Variants in GRIP1 observed in about 807,000 individuals in gnomAD.
GRIP1 encodes glutamate receptor interacting protein 1, also known as glutamate receptor-interacting protein 1.
In GRIP1, 45 loss-of-function variants were observed where a neutral mutation model predicts 129.9. The ratio of observed to expected loss-of-function variants is 0.35; its 90% CI spans 0.27 to 0.44. The LOEUF (loss-of-function observed/expected upper bound fraction) is 0.44, where lower values mean the gene tolerates loss of function less well. GRIP1 is among the 20% of genes least tolerant of loss of function. The probability of loss-of-function intolerance (pLI) is 1.00; values close to 1 mark genes in which losing one functional copy is unlikely to be tolerated. For synonymous variants in GRIP1, 530 were observed against 520.8 expected, an observed-to-expected ratio of 1.02 and a Z score of -0.24; for missense variants, 1,196 against 1,396.8, an observed-to-expected ratio of 0.86 and a Z score of 2.29.
intron 1 of GRIP1, among the ~76,000 whole-genome samples, chr12:67,048,387 G>A (rs1007393056): frequency 3.3e-5 from 5 of 152,064 alleles, no homozygotes; most frequent in African/African-American, 7.2e-5. Context: ...TTTAGTACAC[G>A]TTTGCAAATT....
intron 1 of GRIP1, among the ~76,000 whole-genome samples, chr12:66,626,346 A>AC (rs1041790073): frequency 2.0e-5 from 3 of 151,938 alleles, no homozygotes; most frequent in African/African-American, 4.8e-5. Flanking sequence ...TCTCCAAAAA[A>AC]AAAAAAGTAT....
intron 1 of GRIP1, among the ~76,000 whole-genome samples, chr12:66,834,752 ATCCATAAAAGAAAGAATTGCCTATAG>A (rs1373429507): frequency 6.6e-6 from 1 of 152,110 alleles, no homozygotes; most frequent in African/African-American, 2.4e-5. Context: ...CAAAGGCATG[ATCCATAAAAGAAAGAATTGCCTATAG>A]TCCATAAAAG....
chr12:66,914,145 T>C (rs2041079440), intron 1 of GRIP1, among the ~76,000 whole-genome samples: 1 of 152,162 alleles, frequency 6.6e-6, no homozygotes, highest in Non-Finnish European at 1.5e-5. Context: ...TAACCACTTT[T>C]CTCACGTGCA....
chr12:66,622,237 C>A (rs1446561107), intron 1 of GRIP1, among the ~76,000 whole-genome samples: 2 of 151,990 alleles, frequency 1.3e-5, no homozygotes, highest in African/African-American at 2.4e-5. Context: ...TGCTACAAGT[C>A]ACTTTTGCCC....
At chr12:66,383,805 T>C (rs1262617504) in intron 19 of GRIP1, among the ~76,000 whole-genome samples, 2 of 152,226 alleles carry the variant, frequency 1.3e-5, no homozygotes, top group Non-Finnish European at 2.9e-5. Flanking sequence ...ACTAAAACTA[T>C]ACTTCTTAGC....
In GRIP1 at chr12:66,353,534, C is replaced by T. The variant is rs778033083; in HGVS notation, c.3042G>A (p.Glu1014=). ...CATCTGCTACACTGAACCCAAAGTC[C>T]TCCATGTCAGAGTCCTTGTACAAGG... ...KVTLYKDSDM[E]DFGFSVADGL... The change falls in exon 24 of 25, where the codon GAG becomes GAA. Residue 1014 remains glutamate (E), a synonymous_variant. Transcript: ENST00000359742. The T allele has an allele frequency of 1.9e-6, 3 of 1,613,880 alleles. No individual in the cohort carries two copies. The highest frequency in any genetic ancestry group is 4.5e-5 in the East Asian group (2 of 44,878).
intron 1 of GRIP1, among the ~76,000 whole-genome samples, chr12:66,909,221 C>T (rs2040988573): frequency 6.6e-6 from 1 of 152,188 alleles, no homozygotes; most frequent in African/African-American, 2.4e-5. Context: ...TTCCTAGTGA[C>T]ATGAGCTCCT....
chr12:66,561,496 A>G (rs2062527655), intron 2 of GRIP1, among the ~76,000 whole-genome samples: 3 of 152,080 alleles, frequency 2.0e-5, no homozygotes, highest in Non-Finnish European at 4.4e-5. Context: ...AAAAAAAAAG[A>G]AATACTGACT....
intron 11 of GRIP1, among the ~76,000 whole-genome samples, chr12:66,452,687 G>C (rs1195646219): frequency 6.6e-6 from 1 of 152,044 alleles, no homozygotes; most frequent in Non-Finnish European, 1.5e-5. Flanking sequence ...ATTACAAAGG[G>C]GGCAGCAAAT....
intron 1 of GRIP1, among the ~76,000 whole-genome samples, chr12:66,699,473 A>G (rs2035276616): frequency 6.6e-6 from 1 of 152,086 alleles, no homozygotes; most frequent in Admixed American, 6.5e-5. Flanking sequence ...AAGTCTCATG[A>G]GATCTGATGG....
intron 24 of GRIP1, among the ~76,000 whole-genome samples, chr12:66,349,826 A>T (rs762663651): frequency 6.6e-6 from 1 of 151,998 alleles, no homozygotes; most frequent in South Asian, 2.1e-4. Flanking sequence ...TACTAAGAAA[A>T]TTTTTTTAAA....
intron 16 of GRIP1, among the ~76,000 whole-genome samples, chr12:66,394,598 G>A (rs1194452388): frequency 6.6e-6 from 1 of 152,186 alleles, no homozygotes; most frequent in East Asian, 1.9e-4. Context: ...TGTGAGATCC[G>A]CCCAGCTGGG....
exon 1 of GRIP1, chr12:66,804,096 C>G (rs1212712903): frequency 6.6e-6 from 3 of 455,806 alleles, no homozygotes; most frequent in Non-Finnish European, 1.3e-5. Flanking sequence ...CCTCATAGCC[C>G]TCGTGGTAAT....
intron 23 of GRIP1, among the ~76,000 whole-genome samples, chr12:66,364,265 CAAAAAAAAAAAAAAA>C (rs1159887365): frequency 1.2e-4 from 2 of 16,348 alleles, no homozygotes; most frequent in Non-Finnish European, 2.1e-4. Context: ...GACTCCATCT[CAAAAAAAAAAAAAAA>C]AAAAAAAAAA....
chr12:66,503,087 T>G (rs2060435136), intron 7 of GRIP1, among the ~76,000 whole-genome samples: 2 of 152,040 alleles, frequency 1.3e-5, no homozygotes, highest in African/African-American at 4.8e-5. Context: ...CAGGGAGAGA[T>G]AATCTCCTGA....
intron 1 of GRIP1, among the ~76,000 whole-genome samples, chr12:66,678,566 G>A (rs1296792300): frequency 6.6e-6 from 1 of 151,780 alleles, no homozygotes; most frequent in Non-Finnish European, 1.5e-5. Context: ...AATAACTTCA[G>A]CACCGGACCC....
chr12:66,459,050 G>A (rs957118564), intron 9 of GRIP1, among the ~76,000 whole-genome samples: 67 of 152,288 alleles, frequency 4.4e-4, no homozygotes, highest in African/African-American at 1.6e-3. Context: ...TATTTTTAAT[G>A]TTTGTCTGTC....
intron 19 of GRIP1, 64 bp from the exon 20 acceptor site, chr12:66,379,500 T>C: frequency 1.3e-6 from 2 of 1,516,626 alleles, no homozygotes; most frequent in Non-Finnish European, 1.8e-6. Context: ...AGAAATGACA[T>C]TGTTAACCAG....
chr12:66,388,526 T>A (rs2056454568), intron 19 of GRIP1, among the ~76,000 whole-genome samples: 1 of 152,190 alleles, frequency 6.6e-6, no homozygotes, highest in South Asian at 2.1e-4. Context: ...GTCATAGGGT[T>A]TTCTCAGAGT....
Sources: allele counts gnomAD v4.1 joint callset (sites outside exome capture counted in the v4.1 genomes callset), GRCh38; gene constraint gnomAD v4.1.1; transcripts MANE v1.5; gene names NCBI Gene and HGNC (gene_info 2026-07-23, HGNC 2026-07-21).